LRRTM4: variants seen among roughly 807,000 people sequenced by gnomAD.
LRRTM4 encodes leucine rich repeat transmembrane neuronal 4, also known as leucine-rich repeat transmembrane neuronal protein 4.
Under a neutral mutation model 47.6 loss-of-function variants are expected in LRRTM4, and 25 were observed. The ratio of observed to expected loss-of-function variants is 0.53; its 90% confidence interval spans 0.38 to 0.73. The LOEUF is 0.73. Among genes scored for constraint, LRRTM4 ranks in the 30% least tolerant of loss-of-function variants. The pLI is 0.00. For missense variants in LRRTM4, 638 were observed against 713.4 expected (o/e 0.89, Z 1.20); for synonymous variants, 311 against 269.5 (o/e 1.15, Z -1.51).
chr2:76,758,837 A>G (rs1301695824), intron 3 of LRRTM4, among the ~76,000 whole-genome samples: 1 of 152,150 alleles, frequency 6.6e-6, no homozygotes, highest in Non-Finnish European at 1.5e-5. Flanking sequence ...AATAGTAAAC[A>G]TTTTAGACTT....
At chr2:77,439,314 T>G (rs2103924521) in intron 3 of LRRTM4, among the ~76,000 whole-genome samples, 1 of 152,338 alleles carries the variant, frequency 6.6e-6, no homozygotes, top group African/African-American at 2.4e-5. Flanking sequence ...CTCTTCTCTT[T>G]CCTTAAGTTT....
At chr2:77,188,392 T>C (rs939177332) in intron 3 of LRRTM4, among the ~76,000 whole-genome samples, 2 of 152,218 alleles carry the variant, frequency 1.3e-5, no homozygotes, top group African/African-American at 4.8e-5. Context: ...TGTTAATTTT[T>C]CCTTCACATT....
At chr2:76,801,081 C>T (rs1041578637) in intron 3 of LRRTM4, among the ~76,000 whole-genome samples, 13 of 150,914 alleles carry the variant, frequency 8.6e-5, no homozygotes, top group South Asian at 4.3e-4. Context: ...TAAACTAGTT[C>T]GACCATTGTG....
At chr2:76,864,893 T>G (rs796914706) in intron 3 of LRRTM4, among the ~76,000 whole-genome samples, 14,942 of 57,646 alleles carry the variant, frequency 0.26, 1,173 homozygotes, top group East Asian at 0.56. Context: ...CTTCAGCTGT[T>G]TTTTTTTTTT....
At chr2:76,922,031 A>G (rs1223416722) in intron 3 of LRRTM4, among the ~76,000 whole-genome samples, 2 of 152,150 alleles carry the variant, frequency 1.3e-5, no homozygotes, top group Non-Finnish European at 2.9e-5. Context: ...TAAAAAAGAA[A>G]TGTGACATAT....
At chr2:77,007,109 G>A (rs1447436665) in intron 3 of LRRTM4, among the ~76,000 whole-genome samples, 3 of 151,798 alleles carry the variant, frequency 2.0e-5, no homozygotes, top group African/African-American at 7.3e-5. Flanking sequence ...GACAATAATA[G>A]AAACTCAAGA....
At chr2:76,756,897 C>T (rs778618586) in intron 3 of LRRTM4, among the ~76,000 whole-genome samples, 4 of 152,036 alleles carry the variant, frequency 2.6e-5, no homozygotes, top group East Asian at 3.9e-4. Context: ...TCATCTAAAA[C>T]GTTGCTCAGA....
intron 3 of LRRTM4, among the ~76,000 whole-genome samples, chr2:76,896,976 C>T (rs998525308): frequency 6.6e-6 from 1 of 151,644 alleles, no homozygotes; most frequent in African/African-American, 2.4e-5. Flanking sequence ...GAATCTCTAC[C>T]TTGAATTGTT....
intron 3 of LRRTM4, among the ~76,000 whole-genome samples, chr2:77,143,697 T>A (rs58350759): frequency 1.3e-5 from 2 of 152,092 alleles, no homozygotes; most frequent in African/African-American, 4.8e-5. Flanking sequence ...AGAGCCTAGA[T>A]TGAGAGAAAC....
chr2:76,824,230 C>T lies in LRRTM4; in HGVS notation c.1552-75314G>A, dbSNP rs896710431. Among the ~76,000 whole-genome samples the T allele has an allele frequency of 7.3e-5, 11 of 151,430 alleles. No individual in the cohort carries two copies. The East Asian group carries it at 1.7e-3, about 24-fold the overall frequency. ...CTCCAATGGAAAGCGTGTTTGCCTC[C>T]GTTTGTATAATCTTTCAATATTCCT... On this transcript the variant is annotated intron_variant, in intron 3 of 3. Transcript: ENST00000409884.
intron 3 of LRRTM4, among the ~76,000 whole-genome samples, chr2:76,989,363 T>A (rs551123583): frequency 6.6e-6 from 1 of 151,964 alleles, no homozygotes; most frequent in East Asian, 1.9e-4. Context: ...GATTTTCTTA[T>A]TCATGATCTA....
intron 3 of LRRTM4, among the ~76,000 whole-genome samples, chr2:77,079,927 T>C (rs1437399457): frequency 1.3e-5 from 2 of 152,110 alleles, no homozygotes; most frequent in Non-Finnish European, 2.9e-5. Flanking sequence ...ATGATAGAAA[T>C]ATATTTTTAA....
At chr2:77,339,015 C>T (rs534953041) in intron 3 of LRRTM4, among the ~76,000 whole-genome samples, 3 of 151,928 alleles carry the variant, frequency 2.0e-5, no homozygotes, top group East Asian at 1.9e-4. Flanking sequence ...AACCAAATAT[C>T]GCATGTTCCC....
At chr2:77,390,276 A>T (rs968161589) in intron 3 of LRRTM4, among the ~76,000 whole-genome samples, 2 of 152,060 alleles carry the variant, frequency 1.3e-5, no homozygotes, top group Admixed American at 1.3e-4. Flanking sequence ...GGAGAGAGTA[A>T]AGCAGTGGAC....
intron 3 of LRRTM4, among the ~76,000 whole-genome samples, chr2:77,223,710 G>A (rs922028538): frequency 2.0e-5 from 3 of 152,038 alleles, no homozygotes; most frequent in Admixed American, 6.6e-5. Flanking sequence ...AAATAAAAGA[G>A]GATACAAACA....
At chr2:76,900,772 A>G (rs1022807425) in intron 3 of LRRTM4, among the ~76,000 whole-genome samples, 2 of 152,204 alleles carry the variant, frequency 1.3e-5, no homozygotes, top group Non-Finnish European at 1.5e-5. Flanking sequence ...GAAATTAATC[A>G]TCTTCACAAA....
intron 3 of LRRTM4, among the ~76,000 whole-genome samples, chr2:76,903,244 T>A (rs565616673): frequency 6.6e-6 from 1 of 151,646 alleles, no homozygotes; most frequent in African/African-American, 2.4e-5. Flanking sequence ...GAAAAACAAG[T>A]ACAAAACATT....
chr2:77,441,123 C>G (rs1362485087), intron 3 of LRRTM4, among the ~76,000 whole-genome samples: 1 of 152,132 alleles, frequency 6.6e-6, no homozygotes, highest in Non-Finnish European at 1.5e-5. Context: ...CTAAACATTC[C>G]TATCACACCA....
At chr2:77,031,896 T>C (rs767053471) in intron 3 of LRRTM4, among the ~76,000 whole-genome samples, 199 of 152,274 alleles carry the variant, frequency 1.3e-3, no homozygotes, top group Admixed American at 5.6e-3. Flanking sequence ...TTCTTGTCCA[T>C]AGCAGTTCAG....
Sources: allele counts gnomAD v4.1 joint callset (sites outside exome capture counted in the v4.1 genomes callset), GRCh38; gene constraint gnomAD v4.1.1; transcripts MANE v1.5; gene names NCBI Gene and HGNC (gene_info 2026-07-23, HGNC 2026-07-21).